Variants in TANC2 observed in about 807,000 individuals in gnomAD.
TANC2 encodes protein TANC2.
Under a neutral mutation model 210.5 loss-of-function variants are expected in TANC2, and 26 were observed. The observed-to-expected ratio is 0.12, with a 90% confidence interval of 0.09 to 0.17. The LOEUF (loss-of-function observed/expected upper bound fraction) is 0.17, where lower values mean the gene tolerates loss of function less well. Among genes scored for constraint, TANC2 ranks in the 10% least tolerant of loss-of-function variants. TANC2 has a pLI of 1.00. For missense variants in TANC2, 2,129 were observed against 2,608.9 expected, an observed-to-expected ratio of 0.82 and a Z score of 4.01; for synonymous variants, 931 against 967.1, an observed-to-expected ratio of 0.96 and a Z score of 0.69.
intron 1 of TANC2, among the ~76,000 whole-genome samples, chr17:62,996,246 G>A (rs901083773): frequency 6.6e-5 from 10 of 152,140 alleles, no homozygotes; most frequent in Admixed American, 3.3e-4. Flanking sequence ...GCCTGAGAAG[G>A]ACTCCGTACT....
At chr17:63,166,712 G>T (rs192558554) in intron 5 of TANC2, among the ~76,000 whole-genome samples, 94 of 152,278 alleles carry the variant, frequency 6.2e-4, no homozygotes, top group Admixed American at 2.5e-3. Flanking sequence ...GTCAAAGCTG[G>T]CATCTTTAGG....
rs142297588 is a variant in TANC2 at position 63,232,661 on chromosome 17, C to T, written c.770-5153C>T. ...AGCTCCATCCCAGAGGGGCACTGAC[C>T]CGATGTCAGCGGGAACCCTCCTGTA... On this transcript the variant is annotated intron_variant, in intron 7 of 27. Coordinates refer to ENST00000689528, the Ensembl canonical transcript of TANC2. 2.7e-3 allele frequency among the ~76,000 whole-genome samples: 411 copies of T among 152,326 alleles called. 6 individuals carry two copies. The highest frequency in any genetic ancestry group is 9.4e-3 in the African/African-American group (391 of 41,574).
chr17:63,420,235 A>G lies in TANC2; in HGVS notation c.4505A>G (p.Gln1502Arg). 1 of 1,613,184 alleles carries G rather than the reference A, an allele frequency of 6.2e-7. No homozygotes were observed. Among genetic ancestry groups the G allele is most frequent in the African/African-American group, 1.3e-5 (1 of 75,040 alleles). ...ATATTCGAGGAGGAGTACCTGGAAC[A>G]GGATGTTGAAAATGTTTCCATTGGC... Residue 1502 changes from glutamine (Q) to arginine (R), a missense_variant, in exon 28 of 28, where the codon CAG becomes CGG. This residue lies in a region of TANC2 where 584 missense variants were observed against 627.3 expected (regional missense o/e 0.93). Transcript: ENST00000689528. This position sits in a 1 kb window ranked among gnomAD's most constrained non-coding sequence, Gnocchi z 4.2.
chr17:63,346,311 A>G (rs561786446), intron 12 of TANC2, among the ~76,000 whole-genome samples: 236 of 152,356 alleles, frequency 1.5e-3, no homozygotes, highest in African/African-American at 5.3e-3. Flanking sequence ...AAAAAATACC[A>G]CTAAGAAAAA....
At chr17:63,368,063 T>G (rs1229077133) in intron 14 of TANC2, among the ~76,000 whole-genome samples, 1 of 152,074 alleles carries the variant, frequency 6.6e-6, no homozygotes, top group Non-Finnish European at 1.5e-5. Flanking sequence ...AACAGGAGAA[T>G]AGAGAGCAGA....
intron 14 of TANC2, among the ~76,000 whole-genome samples, chr17:63,370,093 A>G (rs2047221113): frequency 6.6e-6 from 1 of 151,898 alleles, no homozygotes; most frequent in Non-Finnish European, 1.5e-5. Flanking sequence ...TATCCCAAAT[A>G]TCTAATTTAT....
At chr17:63,189,358 C>A (rs2041109359) in intron 5 of TANC2, among the ~76,000 whole-genome samples, 1 of 152,172 alleles carries the variant, frequency 6.6e-6, no homozygotes, top group Non-Finnish European at 1.5e-5. Context: ...TTCAAAGTGT[C>A]TGCACAATTT....
intron 9 of TANC2, among the ~76,000 whole-genome samples, chr17:63,286,994 C>T (rs530306254): frequency 6.6e-6 from 1 of 152,220 alleles, no homozygotes; most frequent in East Asian, 1.9e-4. Context: ...AGTACAGTGG[C>T]GCAATCTTGG....
intron 8 of TANC2, among the ~76,000 whole-genome samples, chr17:63,255,371 C>A (rs1040999959): frequency 2.0e-5 from 3 of 152,218 alleles, no homozygotes; most frequent in Admixed American, 2.0e-4. Flanking sequence ...GGATTACAGG[C>A]GTGAGCCACC....
In TANC2 at chr17:63,119,003, C is replaced by T. The variant is rs147732658; in HGVS notation, c.322+19646C>T. ...TCACCATGTTAGCCAGGGATGGTCT[C>T]GATCTCCTGACCCCGTGATCCGCCC... On this transcript the variant is annotated intron_variant, in intron 4 of 27. Coordinates refer to ENST00000689528, the Ensembl canonical transcript of TANC2. 3.9e-5 allele frequency among the ~76,000 whole-genome samples: 6 copies of T among 152,100 alleles called. No individual in the cohort carries two copies. In the East Asian group the frequency reaches 7.8e-4, roughly 20 times the overall value.
intron 14 of TANC2, among the ~76,000 whole-genome samples, chr17:63,379,117 G>A (rs914473160): frequency 1.3e-5 from 2 of 152,192 alleles, no homozygotes; most frequent in African/African-American, 4.8e-5. Context: ...TGGGTGGAAT[G>A]AGAGTTGCTG....
chr17:63,096,708 A>G (rs2037399675), intron 3 of TANC2, among the ~76,000 whole-genome samples: 1 of 152,160 alleles, frequency 6.6e-6, no homozygotes, highest in South Asian at 2.1e-4. Context: ...TGCTGCTGTG[A>G]ACGTTCATGT....
exon 10 of TANC2, chr17:63,314,404 T>C (rs2146588213): frequency 6.2e-7 from 1 of 1,613,942 alleles, no homozygotes; most frequent in East Asian, 2.2e-5. Context: ...TTGCACCTTA[T>C]AGGCCTCCAG....
intron 10 of TANC2, 100 bp from the exon 11 acceptor site, chr17:63,318,857 G>A: frequency 2.2e-6 from 3 of 1,334,302 alleles, no homozygotes; most frequent in Non-Finnish European, 3.2e-6. Flanking sequence ...TATATACTTA[G>A]GAGCAGAATT....
intron 14 of TANC2, among the ~76,000 whole-genome samples, chr17:63,364,071 A>G (rs766984263): frequency 7.9e-5 from 12 of 152,104 alleles, no homozygotes; most frequent in Non-Finnish European, 1.0e-4. Context: ...CCTATTATCC[A>G]CTTTCTAACC....
At chr17:63,273,821 A>G (rs1211539063) in intron 9 of TANC2, among the ~76,000 whole-genome samples, 5 of 152,202 alleles carry the variant, frequency 3.3e-5, no homozygotes. Context: ...GTTTTCAGAA[A>G]TGCAGATTCT....
chr17:63,249,416 G>A (rs1011014840), intron 8 of TANC2, among the ~76,000 whole-genome samples: 2 of 152,068 alleles, frequency 1.3e-5, no homozygotes, highest in African/African-American at 4.8e-5. Context: ...GGCAGTCTAC[G>A]GTCATCCTTG....
intron 5 of TANC2, among the ~76,000 whole-genome samples, chr17:63,169,775 T>C (rs2040335906): frequency 6.6e-6 from 1 of 150,948 alleles, no homozygotes; most frequent in Non-Finnish European, 1.5e-5. Context: ...GATCCCGCTA[T>C]TGCACTCCAG....
chr17:63,042,752 G>A (rs72843170), intron 2 of TANC2, among the ~76,000 whole-genome samples: 21,046 of 151,938 alleles, frequency 0.14, 1,913 homozygotes, highest in Middle Eastern at 0.21. Flanking sequence ...TTTATGAATC[G>A]TTCAGATTCA....
Sources: gnomAD v4.1 joint callset for allele counts (sites outside exome capture counted in the v4.1 genomes callset) on GRCh38, gnomAD v4.1.1 for gene constraint, gnomAD v4.1.1 regional missense constraint, Gnocchi (gnomAD v3.1) non-coding constraint, MANE v1.5 for transcripts, NCBI Gene and HGNC (gene_info 2026-07-23, HGNC 2026-07-21) for gene names.